The following SH3RF3 variants were observed in gnomAD, a reference collection of about 807,000 sequenced individuals.
SH3RF3 encodes E3 ubiquitin-protein ligase SH3RF3.
Under a neutral mutation model 66.3 loss-of-function variants are expected in SH3RF3, and 29 were observed. The observed-to-expected ratio is 0.44, with a 90% CI of 0.33 to 0.60. The LOEUF is 0.60. Ranked by LOEUF, SH3RF3 falls within the 20% of genes least tolerant of loss-of-function variation. The probability of loss-of-function intolerance (pLI) is 0.04; values close to 1 mark genes in which losing one functional copy is unlikely to be tolerated. For missense variants in SH3RF3, 1,194 were observed against 1,190.9 expected, an observed-to-expected ratio of 1.00 and a Z score of -0.04; for synonymous variants, 583 against 532.0, an observed-to-expected ratio of 1.10 and a Z score of -1.32.
At chr2:109,371,750 C>A in intron 3 of SH3RF3, 69 bp downstream of exon 3, 1 of 1,372,900 alleles carries the variant, frequency 7.3e-7, no homozygotes, top group African/African-American at 1.4e-5. Context: ...AGTGGGGTCA[C>A]CTGACCTTCA....
chr2:109,474,845 C>T (rs115240058), intron 8 of SH3RF3, among the ~76,000 whole-genome samples: 2,345 of 152,368 alleles, frequency 0.015, 66 homozygotes, highest in African/African-American at 0.054. Context: ...GCGCCAAAGT[C>T]TACACTCACT....
chr2:109,192,618 C>G (rs1411830271), intron 1 of SH3RF3, among the ~76,000 whole-genome samples: 1 of 152,144 alleles, frequency 6.6e-6, no homozygotes, highest in African/African-American at 2.4e-5. Context: ...AAGAGAGAAG[C>G]TGGAAGTAAA....
At chr2:109,240,278 T>C (rs1192918051) in intron 1 of SH3RF3, among the ~76,000 whole-genome samples, 1 of 152,160 alleles carries the variant, frequency 6.6e-6, no homozygotes, top group Non-Finnish European at 1.5e-5. Context: ...GGAGGGCAGA[T>C]CACTTGAGGT....
chr2:109,281,269 G>A (rs965850833), intron 1 of SH3RF3, among the ~76,000 whole-genome samples: 3 of 152,254 alleles, frequency 2.0e-5, no homozygotes, highest in African/African-American at 7.2e-5. Context: ...ACAACAGGTT[G>A]TGGGTTTTGT....
chr2:109,272,772 A>G (rs982012011), intron 1 of SH3RF3, among the ~76,000 whole-genome samples: 15 of 152,206 alleles, frequency 9.9e-5, no homozygotes, highest in African/African-American at 2.2e-4. Context: ...ACCAGCATCA[A>G]TGCATCTCAG....
intron 1 of SH3RF3, among the ~76,000 whole-genome samples, chr2:109,189,519 C>A (rs1678289548): frequency 6.6e-6 from 1 of 152,010 alleles, no homozygotes; most frequent in Admixed American, 6.6e-5. Flanking sequence ...CAGGCACACA[C>A]CACCACGCCC....
At position 109,139,957 on chromosome 2, in the gene SH3RF3, C is replaced by T. The variant is rs116223008; in HGVS notation, c.573+9844C>T. Among the ~76,000 whole-genome samples, 1,452 of 152,198 alleles carry T rather than the reference C, an allele frequency of 9.5e-3. 36 individuals carry two copies. Among genetic ancestry groups the T allele is most frequent in the African/African-American group, 0.033 (1,369 of 41,516 alleles). Reference sequence around the variant, plus strand: ...TCCTAGGCAGATGGAGGCTGTTTGTCTCAAATATAGCTGCTTTAAAAAAAC... The same window carrying T: ...TCCTAGGCAGATGGAGGCTGTTTGTTTCAAATATAGCTGCTTTAAAAAAAC... On this transcript the variant is annotated intron_variant, in intron 1 of 9. Coordinates refer to ENST00000309415, the MANE Select transcript of SH3RF3 (RefSeq NM_001099289.3).
chr2:109,484,516 C>G (rs1272302435), intron 8 of SH3RF3, among the ~76,000 whole-genome samples: 1 of 152,182 alleles, frequency 6.6e-6, no homozygotes, highest in African/African-American at 2.4e-5. Context: ...TTTTCATTAT[C>G]CCTATATCAG....
chr2:109,401,847 G>A (rs1368416215), intron 4 of SH3RF3, among the ~76,000 whole-genome samples: 1 of 152,198 alleles, frequency 6.6e-6, no homozygotes, highest in African/African-American at 2.4e-5. Flanking sequence ...GGGCTGGAAG[G>A]GAACAGATGT....
intron 3 of SH3RF3, among the ~76,000 whole-genome samples, chr2:109,375,691 G>C (rs916483942): frequency 6.6e-6 from 1 of 152,262 alleles, no homozygotes; most frequent in Non-Finnish European, 1.5e-5. Context: ...GTCATCCAGA[G>C]TTCTGCCCTC....
At chr2:109,241,019 G>T (rs1679768291) in intron 1 of SH3RF3, among the ~76,000 whole-genome samples, 1 of 152,060 alleles carries the variant, frequency 6.6e-6, no homozygotes, top group South Asian at 2.1e-4. Flanking sequence ...TGGCCAAAAA[G>T]AACTCTATAG....
chr2:109,149,499 G>A (rs992871401), intron 1 of SH3RF3, among the ~76,000 whole-genome samples: 13 of 152,216 alleles, frequency 8.5e-5, no homozygotes, highest in African/African-American at 1.7e-4. Flanking sequence ...TCAAAGGAAG[G>A]CACAGGGCTC....
intron 3 of SH3RF3, among the ~76,000 whole-genome samples, chr2:109,390,448 T>C (rs1023068192): frequency 6.6e-6 from 1 of 152,202 alleles, no homozygotes; most frequent in African/African-American, 2.4e-5. Context: ...GTTTTCTTAT[T>C]TAGTCCTGGA....
Position 109,418,819 on chromosome 2 carries a change from A to C in SH3RF3, c.1300-720A>C, listed in dbSNP as rs1452784832. Among the ~76,000 whole-genome samples the C allele has an allele frequency of 2.6e-5, 4 of 152,078 alleles. No individual in the cohort carries two copies. In the East Asian group the frequency reaches 7.7e-4, roughly 29 times the overall value. Reference sequence around the variant, plus strand: ...TAGGGAAGGCCAGGGCAGGGCGAGCAAGCTGGGTCGTAGGGGGACCTGGGG... The same window carrying C: ...TAGGGAAGGCCAGGGCAGGGCGAGCCAGCTGGGTCGTAGGGGGACCTGGGG... On this transcript the variant is annotated intron_variant, in intron 4 of 9. Coordinates refer to ENST00000309415, the MANE Select transcript of SH3RF3 (RefSeq NM_001099289.3).
chr2:109,443,901 G>A lies in SH3RF3; in HGVS notation c.1829-5269G>A, dbSNP rs115168153. On this transcript the variant is annotated intron_variant, in intron 7 of 9. Coordinates refer to ENST00000309415, the MANE Select transcript of SH3RF3 (RefSeq NM_001099289.3). ...GTATAATCAACTTGACTTAGTTGAC[G>A]TTTGTGAAACATTCTACCCAACAAC... Among the ~76,000 whole-genome samples the A allele has an allele frequency of 2.4e-3, 366 of 152,234 alleles. 1 individual carries two copies. The highest frequency in any genetic ancestry group is 8.2e-3 in the African/African-American group (340 of 41,544).
chr2:109,211,659 T>TTC, intron 1 of SH3RF3, among the ~76,000 whole-genome samples: 1 of 151,674 alleles, frequency 6.6e-6, no homozygotes, highest in East Asian at 1.9e-4. Flanking sequence ...TTTTTTTTTT[T>TTC]TTTGAGATGG....
chr2:109,200,027 C>T (rs1295126989), intron 1 of SH3RF3, among the ~76,000 whole-genome samples: 1 of 151,986 alleles, frequency 6.6e-6, no homozygotes, highest in African/African-American at 2.4e-5. Flanking sequence ...TGCTGTGATG[C>T]ATGGGACAGC....
chr2:109,221,979 A>AT (rs36025546), intron 1 of SH3RF3, among the ~76,000 whole-genome samples: 41,411 of 141,702 alleles, frequency 0.29, 6,739 homozygotes, highest in South Asian at 0.4. Context: ...TGATGAATGG[A>AT]TTAAAAAAAA....
At chr2:109,402,786 C>G (rs1020377354) in intron 4 of SH3RF3, among the ~76,000 whole-genome samples, 1 of 152,180 alleles carries the variant, frequency 6.6e-6, no homozygotes, top group Non-Finnish European at 1.5e-5. Context: ...GATTACAGAT[C>G]GTGGGTTGTG....
Sources: gnomAD v4.1 joint callset for allele counts (sites outside exome capture counted in the v4.1 genomes callset) on GRCh38, gnomAD v4.1.1 for gene constraint, MANE v1.5 for transcripts, NCBI Gene and HGNC (gene_info 2026-07-23, HGNC 2026-07-21) for gene names.